Variants in ARSG observed in about 807,000 individuals in gnomAD.
ARSG encodes the protein ASG.
Under a neutral mutation model 50.5 loss-of-function variants are expected in ARSG, and 37 were observed. The ratio of observed to expected loss-of-function variants is 0.73; its 90% CI spans 0.56 to 0.96. ARSG has a LOEUF of 0.96. ARSG is among the 50% of genes least tolerant of loss of function. The pLI, the probability that ARSG is intolerant of heterozygous loss-of-function variation, is 0.00. For synonymous variants in ARSG, 225 were observed against 254.6 expected (o/e 0.88, Z 1.11); for missense variants, 629 against 675.3 (o/e 0.93, Z 0.76).
chr17:68,446,599 T>C, the ARSG span, among the ~76,000 whole-genome samples: 1 of 152,224 alleles, frequency 6.6e-6, no homozygotes, highest in South Asian at 2.1e-4. Context: ...TGTGAAATAT[T>C]CTCTGACTTA....
intron 1 of ARSG, among the ~76,000 whole-genome samples, chr17:68,276,564 G>A (rs2075528741): frequency 6.6e-6 from 1 of 151,788 alleles, no homozygotes. Context: ...TTCTCGCTCT[G>A]CAGCCTCCTG....
At chr17:68,421,553 T>C (rs2082774560), downstream of ARSG, 7 of 574,070 alleles carry the variant, frequency 1.2e-5, no homozygotes, top group South Asian at 1.5e-4. Flanking sequence ...GTATTTTAAA[T>C]AGCATGATGT....
At chr17:68,389,000 C>T (rs1298616884) in intron 9 of ARSG, among the ~76,000 whole-genome samples, 3 of 151,858 alleles carry the variant, frequency 2.0e-5, no homozygotes, top group African/African-American at 2.4e-5. Context: ...TGGGCTACCT[C>T]GTGGCTCTGA....
intron 1 of ARSG, among the ~76,000 whole-genome samples, chr17:68,263,760 G>T (rs1373824532): frequency 6.6e-6 from 1 of 152,174 alleles, no homozygotes; most frequent in Admixed American, 6.5e-5. Context: ...ACGGTTTAAA[G>T]AATTAAAGAC....
chr17:68,353,795 A>C (rs2032098708), intron 5 of ARSG, among the ~76,000 whole-genome samples: 2 of 152,144 alleles, frequency 1.3e-5, no homozygotes, highest in South Asian at 4.1e-4. Context: ...TCCGCCTCCC[A>C]GGTTCAAGTG....
chr17:68,378,198 G>A lies in ARSG; in HGVS notation c.983-6866G>A, dbSNP rs1398243228. On this transcript the variant is annotated intron_variant, in intron 8 of 11. Coordinates refer to ENST00000621439, the MANE Select transcript of ARSG (RefSeq NM_001267727.2). The surrounding 1 kb of genome is among the most constrained non-coding windows in gnomAD (Gnocchi z 4.4). Reference sequence around the variant, plus strand: ...TTCCCCATCAGTGGGACATCTGCACGGCTCACTGTACAGGGGCCAGACTCA... The same window carrying A: ...TTCCCCATCAGTGGGACATCTGCACAGCTCACTGTACAGGGGCCAGACTCA... Among the ~76,000 whole-genome samples, 2 of 152,178 alleles carry A rather than the reference G, an allele frequency of 1.3e-5. No homozygotes were observed. The highest frequency in any genetic ancestry group is 2.4e-5 in the African/African-American group (1 of 41,452).
At chr17:68,286,878 G>A (rs1297957001), upstream of ARSG, among the ~76,000 whole-genome samples, 1 of 152,188 alleles carries the variant, frequency 6.6e-6, no homozygotes, top group Non-Finnish European at 1.5e-5. Flanking sequence ...AACTGAGCTC[G>A]GAGAAAGTGT....
At chr17:68,385,282 A>AGATG in intron 9 of ARSG, 110 bp downstream of exon 9, 2 of 873,314 alleles carry the variant, frequency 2.3e-6, no homozygotes, top group Non-Finnish European at 1.8e-6. Flanking sequence ...ATGGGTGGCT[A>AGATG]GAGGCCTCAG....
At chr17:68,364,166 C>T (rs992981763) in intron 6 of ARSG, among the ~76,000 whole-genome samples, 1 of 152,150 alleles carries the variant, frequency 6.6e-6, no homozygotes, top group Non-Finnish European at 1.5e-5. Context: ...TGTCTCCACA[C>T]CCTGCCCCAT....
Position 68,378,707 on chromosome 17 carries a change from C to T in ARSG, c.983-6357C>T, listed in dbSNP as rs1409427980. On this transcript the variant is annotated intron_variant, in intron 8 of 11. Transcript: ENST00000621439. The surrounding 1 kb of genome is among the most constrained non-coding windows in gnomAD (Gnocchi z 4.4). ...GACAGAACCAACACCTTGTTTTTCCCCTAACTGACTGCTCCTCTGTCTGGA... is the reference window on the plus strand; with the variant it reads ...GACAGAACCAACACCTTGTTTTTCCTCTAACTGACTGCTCCTCTGTCTGGA... 6.6e-6 allele frequency among the ~76,000 whole-genome samples: 1 copy of T among 152,192 alleles called. No homozygotes were observed. Among genetic ancestry groups the T allele is most frequent in the Non-Finnish European group, 1.5e-5 (1 of 68,032 alleles).
chr17:68,278,765 G>A (rs1555751874), intron 1 of ARSG, among the ~76,000 whole-genome samples: 1 of 151,770 alleles, frequency 6.6e-6, no homozygotes, highest in African/African-American at 2.4e-5. Context: ...GATTACAGAT[G>A]CCCACCATCA....
Position 68,307,212 on chromosome 17 carries a change from G to A in ARSG, c.-282G>A. 2.4e-6 allele frequency: 1 copy of A among 424,256 alleles called. No individual in the cohort carries two copies. The highest frequency in any genetic ancestry group is 3.7e-5 in the South Asian group (1 of 26,690). 26.3% of individuals were successfully genotyped at this position (424,256 alleles called of 1,614,324 possible). ...CGACCAGTCATTTTACTGAGCTGCGGTGAGGAAACACTGACCATAGAAGAT... is the reference window on the plus strand; with the variant it reads ...CGACCAGTCATTTTACTGAGCTGCGATGAGGAAACACTGACCATAGAAGAT... On this transcript the variant is annotated 5_prime_UTR_variant, in exon 2 of 12. In the 5' UTR this introduces an upstream ATG that the reference lacks. Transcript: ENST00000621439.
chr17:68,384,983 C>G (rs1295622782), intron 8 of ARSG, 81 bp from the exon 9 acceptor site: 2 of 1,165,152 alleles, frequency 1.7e-6, no homozygotes, highest in African/African-American at 3.1e-5. Flanking sequence ...GAGAGGGGTT[C>G]TCCCAGAGAC....
At chr17:68,439,312 T>C in the ARSG span, among the ~76,000 whole-genome samples, 1 of 152,210 alleles carries the variant, frequency 6.6e-6, no homozygotes, top group African/African-American at 2.4e-5. Context: ...AAATAAAGTA[T>C]TGATACATGC....
chr17:68,373,311 C>T (rs1007647323), intron 8 of ARSG, among the ~76,000 whole-genome samples: 10 of 151,620 alleles, frequency 6.6e-5, no homozygotes, highest in African/African-American at 2.4e-4. Flanking sequence ...CTCACTGCAA[C>T]CTCCGCCTCC....
At position 68,356,690 on chromosome 17, in the gene ARSG, C is replaced by T. The variant is rs762906940; in HGVS notation, c.590C>T (p.Thr197Ile). 15 of 1,614,104 alleles carry T rather than the reference C, an allele frequency of 9.3e-6. No individual in the cohort carries two copies. The highest frequency in any genetic ancestry group is 1.6e-4 in the Middle Eastern group (1 of 6,084). The stretch of plus-strand genomic sequence containing the variant: ...AGGAACCTTCAAAGAGACTGTTACA[C>T]TGACGTGGCCCTCCCTCTTTATGAA... ...PSRNLQRDCY[T>I]DVALPLYENL... The change falls in exon 6 of 12, where the codon ACT (threonine) becomes ATT (isoleucine). Residue 197 changes from threonine (T) to isoleucine (I), a missense_variant. Thr to Ile is a moderately conservative substitution (Grantham distance 89, BLOSUM62 -1). Coordinates refer to ENST00000621439, the MANE Select transcript of ARSG (RefSeq NM_001267727.2).
At chr17:68,351,523 G>A (rs181834133) in intron 4 of ARSG, 52 bp from the exon 5 acceptor site, 1 of 958,846 alleles carries the variant, frequency 1.0e-6, no homozygotes, top group East Asian at 2.4e-5. Context: ...ACAAAGGCAA[G>A]CACATGGAGT....
chr17:68,426,261 T>C, downstream of ARSG: 1 of 934,408 alleles, frequency 1.1e-6, no homozygotes, highest in South Asian at 1.3e-5. Context: ...GGGGCTCAAA[T>C]AAAGGGCAAA....
chr17:68,361,561 CACA>C (rs2079287441), intron 6 of ARSG, among the ~76,000 whole-genome samples: 1 of 151,844 alleles, frequency 6.6e-6, no homozygotes, highest in African/African-American at 2.4e-5. Flanking sequence ...CTACAAAAAA[CACA>C]ACAAAACAAA....
Sources: gnomAD v4.1 joint callset for allele counts (sites outside exome capture counted in the v4.1 genomes callset) on GRCh38, gnomAD v4.1.1 for gene constraint, Gnocchi (gnomAD v3.1) non-coding constraint, MANE v1.5 for transcripts, NCBI Gene and HGNC (gene_info 2026-07-23, HGNC 2026-07-21) for gene names.